The following LAMA4 variants were observed in gnomAD, a reference collection of about 807,000 sequenced individuals.
LAMA4 encodes the protein laminin subunit alpha 4, also known as laminin subunit alpha-4.
In LAMA4, 127 loss-of-function variants were observed where a neutral mutation model predicts 207.1. That is an observed-to-expected ratio of 0.61 (90% CI 0.53 to 0.71). LAMA4 has a LOEUF of 0.71. Among genes scored for constraint, LAMA4 ranks in the 30% least tolerant of loss-of-function variants. The pLI is 0.00. For synonymous variants in LAMA4, 761 were observed against 816.0 expected, an observed-to-expected ratio of 0.93 and a Z score of 1.15; for missense variants, 2,093 against 2,246.5, an observed-to-expected ratio of 0.93 and a Z score of 1.38.
chr6:112,211,706 C>A (rs952061605), intron 3 of LAMA4, among the ~76,000 whole-genome samples: 3 of 152,134 alleles, frequency 2.0e-5, no homozygotes, highest in African/African-American at 4.8e-5. Flanking sequence ...TTGAACTAAG[C>A]CTTAAAGTTG....
At position 112,249,441 on chromosome 6, in the gene LAMA4, CAAAAAA is replaced by C. The variant is rs71762704; in HGVS notation, c.195+4509_195+4514del. 2.0e-3 allele frequency among the ~76,000 whole-genome samples: 105 copies of C among 52,760 alleles called. No homozygotes were observed. In the East Asian group the frequency reaches 0.027, roughly 14 times the overall value. 34.6% of individuals were successfully genotyped at this position (52,760 alleles called of 152,430 possible). A position where few individuals can be genotyped will look rare whatever the true frequency, so the allele number is the denominator to read the frequency against. On this transcript the variant is annotated intron_variant, in intron 2 of 38. Coordinates refer to ENST00000230538, the MANE Select transcript of LAMA4 (RefSeq NM_001105206.3). Reference sequence around the variant, plus strand: ...CAGGCAATAGAGCAAGACTCTGTTTCAAAAAAAAAAAAAAAAAAAAAAAAAAGGAAT... The same window carrying C: ...CAGGCAATAGAGCAAGACTCTGTTTCAAAAAAAAAAAAAAAAAAAAGGAAT...
chr6:112,230,585 C>A (rs1785502754), intron 2 of LAMA4, among the ~76,000 whole-genome samples: 1 of 152,124 alleles, frequency 6.6e-6, no homozygotes, highest in Non-Finnish European at 1.5e-5. Flanking sequence ...CTATTAGTTT[C>A]TTCTCTTCTT....
intron 2 of LAMA4, among the ~76,000 whole-genome samples, chr6:112,221,296 A>G (rs1554360541): frequency 2.0e-5 from 3 of 152,184 alleles, no homozygotes; most frequent in African/African-American, 7.2e-5. Context: ...GCTGATTGGA[A>G]TAGTTATTTG....
chr6:112,109,672 C>T, intron 38 of LAMA4, 90 bp from the exon 39 acceptor site: 1 of 1,274,480 alleles, frequency 7.8e-7, no homozygotes, highest in East Asian at 2.3e-5. Context: ...CATATTTGCT[C>T]ATATCATCAA....
In LAMA4 at chr6:112,242,830, C is replaced by G. The variant is rs77498253; in HGVS notation, c.195+11126G>C. Among the ~76,000 whole-genome samples, 244 of 152,308 alleles carry G rather than the reference C, an allele frequency of 1.6e-3. 2 individuals carry two copies. Among genetic ancestry groups the G allele is most frequent in the Non-Finnish European group, 2.3e-3 (158 of 68,032 alleles). The stretch of plus-strand genomic sequence containing the variant: ...TTAAGATTTAGTGGACAGCTCTACT[C>G]TGTATAATATAATGTGAGTATTTCA... On this transcript the variant is annotated intron_variant, in intron 2 of 38. Transcript: ENST00000230538.
At chr6:112,248,536 C>T (rs1380413718) in intron 2 of LAMA4, among the ~76,000 whole-genome samples, 2 of 148,832 alleles carry the variant, frequency 1.3e-5, no homozygotes, top group Admixed American at 1.3e-4. Context: ...GGCAAAGTTT[C>T]TGTTATTTTT....
chr6:112,245,310 G>A (rs1234658699), intron 2 of LAMA4, among the ~76,000 whole-genome samples: 1 of 152,152 alleles, frequency 6.6e-6, no homozygotes, highest in Non-Finnish European at 1.5e-5. Context: ...ATTCTAGAGG[G>A]TTCTATAGTC....
At chr6:112,139,962 T>A in intron 22 of LAMA4, 77 bp from the exon 23 acceptor site, 2 of 1,441,726 alleles carry the variant, frequency 1.4e-6, no homozygotes, top group Non-Finnish European at 2.0e-6. Context: ...ACAATGCAAC[T>A]AATAGTAGGT....
chr6:112,223,917 T>C (rs1338896277), intron 2 of LAMA4, among the ~76,000 whole-genome samples: 3 of 152,258 alleles, frequency 2.0e-5, no homozygotes, highest in African/African-American at 7.2e-5. Flanking sequence ...ACAGAGGCTA[T>C]TGGGTGGGAA....
chr6:112,181,011 T>C (rs1332074947), intron 9 of LAMA4, among the ~76,000 whole-genome samples: 17 of 152,228 alleles, frequency 1.1e-4, no homozygotes, highest in Non-Finnish European at 1.9e-4. Flanking sequence ...TTCGTGTTCG[T>C]AGTCTTAGTC....
chr6:112,225,643 T>C (rs1232109557), intron 2 of LAMA4, among the ~76,000 whole-genome samples: 1 of 152,192 alleles, frequency 6.6e-6, no homozygotes. Context: ...GTTATAAACT[T>C]ACTCTCTAAA....
chr6:112,138,733 T>C (rs976029704), intron 24 of LAMA4, among the ~76,000 whole-genome samples: 3 of 152,156 alleles, frequency 2.0e-5, no homozygotes, highest in Non-Finnish European at 2.9e-5. Flanking sequence ...TGTGTGTACA[T>C]ACATATATAC....
intron 4 of LAMA4, among the ~76,000 whole-genome samples, chr6:112,202,068 A>C (rs1269863635): frequency 6.6e-6 from 1 of 152,180 alleles, no homozygotes; most frequent in Non-Finnish European, 1.5e-5. Flanking sequence ...CTGCACTAGA[A>C]CTTGTCCAGT....
At chr6:112,126,101 T>TC (rs1778671321) in intron 31 of LAMA4, among the ~76,000 whole-genome samples, 1 of 152,244 alleles carries the variant, frequency 6.6e-6, no homozygotes, top group Non-Finnish European at 1.5e-5. Flanking sequence ...TTAACAAGTT[T>TC]CCTATAATAT....
At chr6:112,195,229 A>C (rs1783342186) in intron 5 of LAMA4, among the ~76,000 whole-genome samples, 1 of 152,102 alleles carries the variant, frequency 6.6e-6, no homozygotes, top group African/African-American at 2.4e-5. Flanking sequence ...GATTAAATAA[A>C]ATGACATAAA....
intron 33 of LAMA4, among the ~76,000 whole-genome samples, chr6:112,119,812 T>C (rs1778243317): frequency 6.6e-6 from 1 of 152,212 alleles, no homozygotes; most frequent in African/African-American, 2.4e-5. Context: ...CCAGTTAAAC[T>C]TCTTGTGATT....
At position 112,246,777 on chromosome 6, in the gene LAMA4, C is replaced by T. The variant is rs536216657; in HGVS notation, c.195+7179G>A. On this transcript the variant is annotated intron_variant, in intron 2 of 38. Transcript: ENST00000230538. Reference sequence around the variant, plus strand: ...CTTTGTGATCCACCCATCTTGGCCTCCCAAAGTGTTGGGATTACAGGCGTG... The same window carrying T: ...CTTTGTGATCCACCCATCTTGGCCTTCCAAAGTGTTGGGATTACAGGCGTG... Among the ~76,000 whole-genome samples, 3 of 152,324 alleles carry T rather than the reference C, an allele frequency of 2.0e-5. No individual in the cohort carries two copies. In the East Asian group the frequency reaches 5.8e-4, roughly 29 times the overall value.
chr6:112,253,128 T>G (rs1554190190), intron 2 of LAMA4, among the ~76,000 whole-genome samples: 4 of 152,302 alleles, frequency 2.6e-5, no homozygotes. Flanking sequence ...TTTTGCTAGG[T>G]CAATTGCTCC....
chr6:112,205,570 A>T (rs1398786896), intron 4 of LAMA4, among the ~76,000 whole-genome samples: 5 of 152,114 alleles, frequency 3.3e-5, no homozygotes, highest in Admixed American at 2.6e-4. Flanking sequence ...CATAATAAAA[A>T]AAACAGTATT....
Sources: allele counts gnomAD v4.1 joint callset (sites outside exome capture counted in the v4.1 genomes callset), GRCh38; gene constraint gnomAD v4.1.1; transcripts MANE v1.5; gene names NCBI Gene and HGNC (gene_info 2026-07-23, HGNC 2026-07-21).